CTNNA3: variants seen among roughly 807,000 people sequenced by gnomAD.
The protein encoded by CTNNA3 is catenin alpha 3, also known as catenin alpha-3.
In CTNNA3, 76 loss-of-function variants were observed where a neutral mutation model predicts 95.7. The observed-to-expected ratio is 0.79, with a 90% CI of 0.66 to 0.96. The LOEUF is 0.96. CTNNA3 is among the 40% of genes least tolerant of loss of function. The pLI is 0.00. For missense variants in CTNNA3, 1,191 were observed against 1,089.8 expected (o/e 1.09, Z -1.31); for synonymous variants, 431 against 374.4 (o/e 1.15, Z -1.74).
chr10:66,888,366 A>C (rs1845126482), intron 7 of CTNNA3, among the ~76,000 whole-genome samples: 1 of 152,224 alleles, frequency 6.6e-6, no homozygotes, highest in African/African-American at 2.4e-5. Flanking sequence ...CTCCTGACAC[A>C]TTGATTCTAG....
chr10:66,800,241 T>C (rs1485122121), intron 7 of CTNNA3, among the ~76,000 whole-genome samples: 1 of 151,298 alleles, frequency 6.6e-6, no homozygotes, highest in East Asian at 1.9e-4. Flanking sequence ...TTGTTATATA[T>C]ACTACACTAA....
chr10:66,668,521 A>G (rs1235524650), intron 9 of CTNNA3, among the ~76,000 whole-genome samples: 1 of 151,924 alleles, frequency 6.6e-6, no homozygotes. Flanking sequence ...TCTTATATAT[A>G]AAATATATTG....
chr10:66,360,018 G>A (rs542330518), intron 12 of CTNNA3, among the ~76,000 whole-genome samples: 9 of 151,704 alleles, frequency 5.9e-5, no homozygotes, highest in South Asian at 4.2e-4. Context: ...TAGTAGAGAC[G>A]GGGTTTCAGC....
intron 7 of CTNNA3, chr10:67,097,682 C>G: frequency 6.2e-7 from 1 of 1,612,678 alleles, no homozygotes; most frequent in Non-Finnish European, 8.5e-7. Context: ...CCCATAAGTC[C>G]TTTGAAACGA....
intron 17 of CTNNA3, among the ~76,000 whole-genome samples, chr10:65,930,199 T>TAAAAAAAAA (rs71472402): frequency 1.3e-4 from 8 of 60,738 alleles, no homozygotes; most frequent in Non-Finnish European, 2.2e-4. Context: ...CAGAGCTCAG[T>TAAAAAAAAA]AAAAAAAAAA....
rs543923188 is a variant in CTNNA3 at position 67,734,019 on chromosome 10, C to T, written c.-2+29415G>A. ...TTATTTTAAAGCCTCATAACAACCA[C>T]GCTGGATTTTTAAATTTATATCTAG... On this transcript the variant is annotated intron_variant, in intron 1 of 17. Coordinates refer to the CTNNA3 transcript ENST00000684154. Among the ~76,000 whole-genome samples, 85 of 152,256 alleles carry T rather than the reference C, an allele frequency of 5.6e-4. 1 individual carries two copies. Among genetic ancestry groups the T allele is most frequent in the African/African-American group, 2.0e-3 (85 of 41,550 alleles).
rs74824713 is a variant in CTNNA3 at position 66,785,523 on chromosome 10, G to T, written c.1048-9999C>A. Among the ~76,000 whole-genome samples the T allele has an allele frequency of 3.7e-3, 556 of 152,170 alleles. 1 individual carries two copies. Among genetic ancestry groups the T allele is most frequent in the Non-Finnish European group, 6.1e-3 (415 of 67,994 alleles). On this transcript the variant is annotated intron_variant, in intron 7 of 17. Coordinates refer to ENST00000433211, the MANE Select transcript of CTNNA3 (RefSeq NM_013266.4). ...CTTCTCCTGCCCTCAGAGCTCTCCT[G>T]GTTCGCAGGCTTTCAGACATCAGGA... is the stretch of plus-strand genomic sequence containing the variant.
chr10:67,118,096 C>T (rs1024805006), intron 7 of CTNNA3, among the ~76,000 whole-genome samples: 3 of 151,854 alleles, frequency 2.0e-5, no homozygotes, highest in Admixed American at 6.6e-5. Flanking sequence ...CAACAGTGGG[C>T]GCATCTAAGA....
intron 12 of CTNNA3, among the ~76,000 whole-genome samples, chr10:66,336,234 T>C (rs1247980087): frequency 6.6e-6 from 1 of 152,018 alleles, no homozygotes; most frequent in African/African-American, 2.4e-5. Context: ...CAGCACCCAC[T>C]GTCCTGCACC....
At chr10:66,513,247 T>G (rs1840724339) in intron 11 of CTNNA3, among the ~76,000 whole-genome samples, 1 of 152,218 alleles carries the variant, frequency 6.6e-6, no homozygotes, top group Non-Finnish European at 1.5e-5. Flanking sequence ...AGATCTGTCT[T>G]CAAGATCACA....
intron 5 of CTNNA3, among the ~76,000 whole-genome samples, chr10:67,240,833 G>A (rs1388810832): frequency 6.6e-6 from 1 of 152,078 alleles, no homozygotes; most frequent in African/African-American, 2.4e-5. Flanking sequence ...AAAATGTAGG[G>A]GGGTGTGTGT....
intron 1 of CTNNA3, among the ~76,000 whole-genome samples, chr10:67,718,203 A>T (rs1041285538): frequency 3.9e-5 from 6 of 152,226 alleles, no homozygotes; most frequent in South Asian, 4.1e-4. Context: ...TATCAGCTTA[A>T]GGAGATTTGG....
chr10:66,564,812 C>G (rs772256968), intron 10 of CTNNA3, among the ~76,000 whole-genome samples: 1 of 152,030 alleles, frequency 6.6e-6, no homozygotes, highest in African/African-American at 2.4e-5. Flanking sequence ...GCTAATTATT[C>G]GACGTTTACA....
chr10:66,965,799 A>G (rs1328152179), intron 7 of CTNNA3, among the ~76,000 whole-genome samples: 2 of 152,162 alleles, frequency 1.3e-5, no homozygotes, highest in African/African-American at 4.8e-5. Flanking sequence ...AGGGTAGAAC[A>G]GTACTTTCAG....
intron 1 of CTNNA3, among the ~76,000 whole-genome samples, chr10:67,652,635 C>T (rs548691587): frequency 6.6e-6 from 1 of 152,316 alleles, no homozygotes; most frequent in Admixed American, 6.5e-5. Context: ...GGCACTTACT[C>T]TTATAGTTCC....
intron 7 of CTNNA3, among the ~76,000 whole-genome samples, chr10:67,128,499 A>G (rs2132012250): frequency 6.6e-6 from 1 of 152,196 alleles, no homozygotes; most frequent in East Asian, 1.9e-4. Flanking sequence ...CTAGTAGCCC[A>G]CCTGCAATAT....
intron 1 of CTNNA3, among the ~76,000 whole-genome samples, chr10:67,709,536 AT>A (rs1841095428): frequency 6.6e-6 from 1 of 152,066 alleles, no homozygotes; most frequent in Admixed American, 6.6e-5. Context: ...AGGCCCATTT[AT>A]GTACTTCCTT....
At chr10:66,895,496 A>G (rs1845445701) in intron 7 of CTNNA3, among the ~76,000 whole-genome samples, 1 of 152,310 alleles carries the variant, frequency 6.6e-6, no homozygotes. Context: ...GTTCTTTCAC[A>G]TATTATCTTC....
rs148092488 is a variant in CTNNA3 at position 66,615,833 on chromosome 10, G to A, written c.1374+5859C>T. Among the ~76,000 whole-genome samples, 9 of 152,094 alleles carry A rather than the reference G, an allele frequency of 5.9e-5. No homozygotes were observed. The South Asian group carries it at 1.5e-3, about 25-fold the overall frequency. On this transcript the variant is annotated intron_variant, in intron 10 of 17. Coordinates refer to ENST00000433211, the MANE Select transcript of CTNNA3 (RefSeq NM_013266.4). ...ACCCATGTGCTTTTGATGTGCAATC[G>A]TTTCACTATATGCTCGTGCAATAGG... is the stretch of plus-strand genomic sequence containing the variant.
Sources: gnomAD v4.1 joint callset for allele counts (sites outside exome capture counted in the v4.1 genomes callset) on GRCh38, gnomAD v4.1.1 for gene constraint, MANE v1.5 for transcripts, NCBI Gene and HGNC (gene_info 2026-07-23, HGNC 2026-07-21) for gene names.